Variants in DOK6 observed in about 807,000 individuals in gnomAD.
DOK6 encodes the protein downstream of tyrosine kinase 6.
Under a neutral mutation model 44.0 loss-of-function variants are expected in DOK6, and 22 were observed. The ratio of observed to expected loss-of-function variants is 0.50; its 90% CI spans 0.36 to 0.71. The LOEUF is 0.71. DOK6 is among the 30% of genes least tolerant of loss of function. The pLI is 0.00. For synonymous variants in DOK6, 166 were observed against 145.5 expected (o/e 1.14, Z -1.01); for missense variants, 340 against 416.4 (o/e 0.82, Z 1.60).
intron 1 of DOK6, among the ~76,000 whole-genome samples, chr18:69,424,127 A>T (rs1364648772): frequency 1.3e-5 from 2 of 152,154 alleles, no homozygotes; most frequent in African/African-American, 4.8e-5. Context: ...AAATACCTAC[A>T]ATTTGTATTT....
chr18:69,768,842 C>A (rs1261643385), intron 7 of DOK6, among the ~76,000 whole-genome samples: 1 of 151,688 alleles, frequency 6.6e-6, no homozygotes, highest in Non-Finnish European at 1.5e-5. Flanking sequence ...AATTAATAGA[C>A]ACTAACTGGA....
chr18:69,513,968 T>C (rs1190494984), intron 1 of DOK6, among the ~76,000 whole-genome samples: 1 of 152,122 alleles, frequency 6.6e-6, no homozygotes, highest in East Asian at 1.9e-4. Flanking sequence ...TTACCTCTAG[T>C]TAGGTTTTAT....
intron 1 of DOK6, among the ~76,000 whole-genome samples, chr18:69,420,687 G>A (rs747596533): frequency 1.3e-5 from 2 of 151,938 alleles, no homozygotes; most frequent in African/African-American, 2.4e-5. Flanking sequence ...AACACAAGCA[G>A]GCTCAGATCT....
chr18:69,783,420 T>C (rs531063224), intron 7 of DOK6, among the ~76,000 whole-genome samples: 44 of 152,344 alleles, frequency 2.9e-4, no homozygotes, highest in Non-Finnish European at 4.6e-4. Flanking sequence ...GGTTAAAAGA[T>C]GTTACCAAAA....
At chr18:69,419,129 C>T (rs1019208298) in intron 1 of DOK6, among the ~76,000 whole-genome samples, 2 of 152,082 alleles carry the variant, frequency 1.3e-5, no homozygotes, top group East Asian at 1.9e-4. Flanking sequence ...ACTTCTGTGT[C>T]TTTGATGTTG....
rs540747129 is a variant in DOK6 at position 69,550,945 on chromosome 18, G to A, written c.67-13542G>A. 2.9e-4 allele frequency among the ~76,000 whole-genome samples: 44 copies of A among 151,732 alleles called. 1 individual carries two copies. In the East Asian group the frequency reaches 7.2e-3, roughly 25 times the overall value. ...ATTATGGGCATGTGCCACCATGCCC[G>A]GCTAATTTTTGTGTTTTTAGTAGAG... On this transcript the variant is annotated intron_variant, in intron 1 of 7. Transcript: ENST00000382713.
At chr18:69,780,733 C>T (rs565104257) in intron 7 of DOK6, among the ~76,000 whole-genome samples, 1 of 152,114 alleles carries the variant, frequency 6.6e-6, no homozygotes, top group African/African-American at 2.4e-5. Flanking sequence ...GCTATGTATG[C>T]GAGTATATTC....
In DOK6 at chr18:69,415,214, G is replaced by C. The variant is rs75402564; in HGVS notation, c.66+13904G>C. ...TTTCTTGGCAGCTCTTCTGAACTGG[G>C]GTTCCATAGGAGAAGAAACTCTTAA... On this transcript the variant is annotated intron_variant, in intron 1 of 7. Transcript: ENST00000382713. Among the ~76,000 whole-genome samples the C allele has an allele frequency of 7.1e-3, 1,076 of 152,158 alleles. 15 individuals carry two copies. The highest frequency in any genetic ancestry group is 0.025 in the African/African-American group (1,022 of 41,526).
At chr18:69,466,581 A>G (rs1979933129) in intron 1 of DOK6, among the ~76,000 whole-genome samples, 1 of 152,112 alleles carries the variant, frequency 6.6e-6, no homozygotes, top group South Asian at 2.1e-4. Flanking sequence ...TTTTTTGAGG[A>G]ACATTCAAAC....
Position 69,738,971 on chromosome 18 carries a change from T to A in DOK6, c.606T>A (p.Cys202Ter). 6.2e-7 allele frequency: 1 copy of A among 1,613,922 alleles called. No individual in the cohort carries two copies. The highest frequency in any genetic ancestry group is 8.5e-7 in the Non-Finnish European group (1 of 1,179,846). Residue 202 changes from cysteine (C) to a stop codon, truncating the protein, a stop_gained, in exon 6 of 8, where the codon TGT becomes TGA. Coordinates refer to ENST00000382713, the MANE Select transcript of DOK6 (RefSeq NM_152721.6). LOFTEE classifies it high-confidence loss of function. ...CCTATCTCTATTCTCACAGAATGTG[T>A]GACACAGGAGAAGGACTATTCACTT... ...TWFTFESGRMCDTGEGLFTFQ... is the reference protein window; with the variant it reads ...TWFTFESGRM
intron 7 of DOK6, among the ~76,000 whole-genome samples, chr18:69,811,527 T>TAC (rs1555672394): frequency 3.9e-4 from 2 of 5,094 alleles, no homozygotes; most frequent in African/African-American, 8.8e-4. Flanking sequence ...CATTCCATTA[T>TAC]ATATATATAT....
chr18:69,563,491 A>G lies in DOK6; in HGVS notation c.67-996A>G, dbSNP rs925005944. ...CAGCCATAAAAAATGATGAGTTCATATCCTTTGTAGGGACATGGATGAAGC... is the reference window on the plus strand; with the variant it reads ...CAGCCATAAAAAATGATGAGTTCATGTCCTTTGTAGGGACATGGATGAAGC... On this transcript the variant is annotated intron_variant, in intron 1 of 7. Transcript: ENST00000382713. Among the ~76,000 whole-genome samples, 11 of 152,152 alleles carry G rather than the reference A, an allele frequency of 7.2e-5. No homozygotes were observed. The East Asian group carries it at 1.5e-3, about 21-fold the overall frequency.
chr18:69,515,765 A>G (rs564592731), intron 1 of DOK6, among the ~76,000 whole-genome samples: 4 of 152,294 alleles, frequency 2.6e-5, no homozygotes, highest in Admixed American at 1.3e-4. Context: ...TTGAGGGGGA[A>G]AAATAAGTTG....
In DOK6 at chr18:69,781,850, T is replaced by G. The variant is rs1049196814; in HGVS notation, c.856+23977T>G. ...TCCAGATGACTACCTTGACTTCATA[T>G]TTACCTTTGAAAGAAAACTTTGTTA... On this transcript the variant is annotated intron_variant, in intron 7 of 7. Coordinates refer to ENST00000382713, the MANE Select transcript of DOK6 (RefSeq NM_152721.6). Among the ~76,000 whole-genome samples the G allele has an allele frequency of 5.9e-5, 9 of 152,260 alleles. No individual in the cohort carries two copies. In the East Asian group the frequency reaches 1.7e-3, roughly 29 times the overall value.
intron 1 of DOK6, among the ~76,000 whole-genome samples, chr18:69,509,991 G>T (rs1981320460): frequency 6.6e-6 from 1 of 152,186 alleles, no homozygotes; most frequent in South Asian, 2.1e-4. Flanking sequence ...AAACTGTCCT[G>T]TTTTATTAAA....
chr18:69,502,827 T>C (rs1032584301), intron 1 of DOK6, among the ~76,000 whole-genome samples: 3 of 152,124 alleles, frequency 2.0e-5, no homozygotes, highest in African/African-American at 7.2e-5. Context: ...CTGAAACTAG[T>C]GGTCTTCAAG....
At chr18:69,804,582 GAAAATCAGTGGCATGTATTAAC>G (rs1226894955) in intron 7 of DOK6, among the ~76,000 whole-genome samples, 1 of 152,150 alleles carries the variant, frequency 6.6e-6, no homozygotes, top group Non-Finnish European at 1.5e-5. Context: ...CTGTAGGCTA[GAAAATCAGTGGCATGTATTAAC>G]AAAATTGTTA....
intron 2 of DOK6, among the ~76,000 whole-genome samples, chr18:69,583,723 C>T (rs576581222): frequency 6.9e-6 from 1 of 143,964 alleles, no homozygotes; most frequent in South Asian, 2.3e-4. Flanking sequence ...TCAAGACCAG[C>T]CAGGCAACAT....
At chr18:69,422,820 T>C (rs1978530225) in intron 1 of DOK6, among the ~76,000 whole-genome samples, 1 of 152,216 alleles carries the variant, frequency 6.6e-6, no homozygotes. Flanking sequence ...TGCTTTTTCA[T>C]TACCTAGACT....
Sources: gnomAD v4.1 joint callset for allele counts (sites outside exome capture counted in the v4.1 genomes callset) on GRCh38, gnomAD v4.1.1 for gene constraint, MANE v1.5 for transcripts, NCBI Gene and HGNC (gene_info 2026-07-23, HGNC 2026-07-21) for gene names.